EXOSC9: variants seen among roughly 807,000 people sequenced by gnomAD.
EXOSC9 encodes the protein exosome complex component RRP45.
Under a neutral mutation model 56.5 loss-of-function variants are expected in EXOSC9, and 38 were observed. The observed-to-expected ratio is 0.67, with a 90% CI of 0.52 to 0.88. The LOEUF (loss-of-function observed/expected upper bound fraction) is 0.88. Among genes scored for constraint, EXOSC9 ranks in the 40% least tolerant of loss-of-function variants. EXOSC9 has a pLI of 0.00. For synonymous variants in EXOSC9, 170 were observed against 170.8 expected (o/e 0.99, Z 0.04); for missense variants, 559 against 530.5 (o/e 1.05, Z -0.53).
At chr4:121,802,831 G>A (rs767586140) in intron 3 of EXOSC9, 38 bp downstream of exon 3, 3 of 1,613,292 alleles carry the variant, frequency 1.9e-6, no homozygotes, top group Middle Eastern at 1.7e-4. Flanking sequence ...TTAGTCATAG[G>A]AGAACCTAAC....
chr4:121,804,569 A>G, intron 4 of EXOSC9, 53 bp from the exon 5 acceptor site: 3 of 1,170,466 alleles, frequency 2.6e-6, no homozygotes, highest in Admixed American at 4.1e-5. Flanking sequence ...CCTGATAAAT[A>G]GCCACTGGTT....
Position 121,813,229 on chromosome 4 carries a change from T to C in EXOSC9, c.828-5T>C. The C allele has an allele frequency of 6.2e-7, 1 of 1,604,308 alleles. No individual in the cohort carries two copies. Among genetic ancestry groups the C allele is most frequent in the South Asian group, 1.1e-5 (1 of 89,398 alleles). ...CCTTCCCACCAAAAAAACCCCCACA[T>C]ACAGGAAAGAAGGTGGAAAGTTTGG... On this transcript the variant is annotated splice_region_variant and splice_polypyrimidine_tract_variant and intron_variant, in intron 8 of 11. Coordinates refer to ENST00000243498, the MANE Select transcript of EXOSC9 (RefSeq NM_005033.3).
chr4:121,808,655 G>T lies in EXOSC9; in HGVS notation c.605+1033G>T, dbSNP rs111648206. On this transcript the variant is annotated intron_variant, in intron 6 of 11. Transcript: ENST00000243498. Reference sequence around the variant, plus strand: ...CTGGATTACGGGGATGAGCCACCATGCCTGGCTGTTTCTTTTTCTTTTCTT... The same window carrying T: ...CTGGATTACGGGGATGAGCCACCATTCCTGGCTGTTTCTTTTTCTTTTCTT... 6.8e-3 allele frequency among the ~76,000 whole-genome samples: 1,035 copies of T among 151,884 alleles called. 9 individuals are homozygous for T. The highest frequency in any genetic ancestry group is 0.024 in the African/African-American group (995 of 41,448).
chr4:121,807,518 T>C (rs774786186), intron 5 of EXOSC9, 22 bp from the exon 6 acceptor site: 1 of 1,457,726 alleles, frequency 6.9e-7, no homozygotes, highest in Non-Finnish European at 9.5e-7. Flanking sequence ...CTATAATTAT[T>C]AAACATTTTC....
At chr4:121,805,043 T>C (rs1018617347) in intron 5 of EXOSC9, among the ~76,000 whole-genome samples, 2 of 152,226 alleles carry the variant, frequency 1.3e-5, no homozygotes, top group Admixed American at 1.3e-4. Flanking sequence ...GGTTGACTTA[T>C]GTTTAGGGGC....
At chr4:121,816,724 C>T (rs1000941411) in intron 11 of EXOSC9, 48 bp from the exon 12 acceptor site, 2 of 1,511,448 alleles carry the variant, frequency 1.3e-6, no homozygotes, top group East Asian at 2.4e-5. Context: ...TTCAATAATC[C>T]AAAACTTAAC....
intron 8 of EXOSC9, 92 bp from the exon 9 acceptor site, chr4:121,813,142 G>T: frequency 1.6e-6 from 2 of 1,219,378 alleles, no homozygotes; most frequent in Non-Finnish European, 1.1e-6. Flanking sequence ...TCCACCAAAG[G>T]ATAAAATAAT....
At chr4:121,816,637 T>G in intron 11 of EXOSC9, 135 bp from the exon 12 acceptor site, 1 of 947,676 alleles carries the variant, frequency 1.1e-6, no homozygotes, top group Non-Finnish European at 1.5e-6. Flanking sequence ...ATCTATAATA[T>G]AAACTTCTTG....
chr4:121,816,293 A>G, intron 10 of EXOSC9, 76 bp from the exon 11 acceptor site: 5 of 858,864 alleles, frequency 5.8e-6, no homozygotes, highest in Non-Finnish European at 8.7e-6. Context: ...TGATAGAAAT[A>G]AATTCATGTA....
At chr4:121,814,165 A>G (rs1219157639) in intron 10 of EXOSC9, 118 bp downstream of exon 10, 1 of 619,974 alleles carries the variant, frequency 1.6e-6, no homozygotes. Context: ...ATATAGTAAT[A>G]TATAGCATAT....
intron 10 of EXOSC9, 87 bp from the exon 11 acceptor site, chr4:121,816,282 C>CTGAT (rs1724498319): frequency 1.3e-6 from 1 of 790,232 alleles, no homozygotes; most frequent in Non-Finnish European, 1.9e-6. Flanking sequence ...TTTAGAACGT[C>CTGAT]TGATAGAAAT....
intron 8 of EXOSC9, among the ~76,000 whole-genome samples, chr4:121,812,835 ATAATC>A (rs1724291902): frequency 6.6e-6 from 1 of 152,166 alleles, no homozygotes; most frequent in South Asian, 2.1e-4. Flanking sequence ...TAGGATAAAA[ATAATC>A]TAGTAACTCA....
Position 121,802,750 on chromosome 4 carries a change from C to T in EXOSC9, c.238C>T (p.Leu80Phe). The T allele has an allele frequency of 1.2e-6, 2 of 1,613,970 alleles. No homozygotes were observed. The highest frequency in any genetic ancestry group is 1.7e-6 in the Non-Finnish European group (2 of 1,179,946). ...RATEGILFFN[L>F]ELSQMAAPAF... The stretch of plus-strand genomic sequence containing the variant: ...AACAGAAGGTATTCTTTTTTTTAAC[C>T]TTGAACTCTCTCAGATGGCCGCTCC... The change falls in exon 3 of 12, where the codon CTT becomes TTT. Residue 80 changes from leucine (L) to phenylalanine (F), a missense_variant. Transcript: ENST00000243498.
Position 121,807,045 on chromosome 4 carries a change from C to T in EXOSC9, c.523-495C>T, listed in dbSNP as rs560712444. ...TGGTGGCTCACACCTGTAATTCCAG[C>T]ACTTTGGGAGGCCAAGGCAGGTGGA... On this transcript the variant is annotated intron_variant, in intron 5 of 11. Transcript: ENST00000243498. Among the ~76,000 whole-genome samples the T allele has an allele frequency of 5.9e-5, 9 of 152,318 alleles. No homozygotes were observed. In the East Asian group the frequency reaches 1.3e-3, roughly 23 times the overall value.
intron 11 of EXOSC9, 42 bp from the exon 12 acceptor site, chr4:121,816,730 T>G (rs1724529712): frequency 6.5e-7 from 1 of 1,528,740 alleles, no homozygotes; most frequent in East Asian, 2.3e-5. Context: ...AATCCAAAAC[T>G]TAACATACTC....
At chr4:121,816,591 T>G in intron 11 of EXOSC9, 144 bp downstream of exon 11, 1 of 819,426 alleles carries the variant, frequency 1.2e-6, no homozygotes, top group Non-Finnish European at 1.8e-6. Context: ...GTTCTGTGAT[T>G]TTTTTACCTT....
intron 5 of EXOSC9, 49 bp downstream of exon 5, chr4:121,804,808 G>T: frequency 1.4e-6 from 2 of 1,456,892 alleles, no homozygotes; most frequent in Non-Finnish European, 1.8e-6. Context: ...AATGAGGAGG[G>T]TCTTAAATGT....
At chr4:121,802,599 CTT>C in intron 2 of EXOSC9, 73 bp from the exon 3 acceptor site, 5 of 1,448,540 alleles carry the variant, frequency 3.5e-6, no homozygotes, top group Non-Finnish European at 4.8e-6. Context: ...AAGATTGAAA[CTT>C]GTTATCTGTT....
intron 4 of EXOSC9, among the ~76,000 whole-genome samples, chr4:121,804,119 G>A (rs925523662): frequency 6.6e-6 from 1 of 151,196 alleles, no homozygotes; most frequent in African/African-American, 2.4e-5. Context: ...TCTCTCCTTA[G>A]CCTCCCGAAT....
Sources: allele counts gnomAD v4.1 joint callset (sites outside exome capture counted in the v4.1 genomes callset), GRCh38; gene constraint gnomAD v4.1.1; transcripts MANE v1.5; gene names NCBI Gene and HGNC (gene_info 2026-07-23, HGNC 2026-07-21).